The following HS6ST3 variants were observed in gnomAD, a reference collection of about 807,000 sequenced individuals.
HS6ST3 encodes the protein heparan sulfate 6-O-sulfotransferase 3, also known as heparan-sulfate 6-O-sulfotransferase 3.
In HS6ST3, 12 loss-of-function variants were observed where a neutral mutation model predicts 36.7. That is an observed-to-expected ratio of 0.33 (90% CI 0.21 to 0.53). HS6ST3 has a LOEUF of 0.53. Among genes scored for constraint, HS6ST3 ranks in the 20% least tolerant of loss-of-function variants. The pLI, the probability that HS6ST3 is intolerant of heterozygous loss-of-function variation, is 0.95. For synonymous variants in HS6ST3, 240 were observed against 257.5 expected (o/e 0.93, Z 0.65); for missense variants, 584 against 640.9 (o/e 0.91, Z 0.96).
At chr13:96,366,996 C>T (rs895101510) in intron 1 of HS6ST3, among the ~76,000 whole-genome samples, 1 of 152,142 alleles carries the variant, frequency 6.6e-6, no homozygotes, top group Non-Finnish European at 1.5e-5. Flanking sequence ...TGAGGCCTCA[C>T]CAGCCATGTG....
chr13:96,536,550 C>T (rs1439674811), intron 1 of HS6ST3, among the ~76,000 whole-genome samples: 3 of 152,124 alleles, frequency 2.0e-5, no homozygotes, highest in African/African-American at 4.8e-5. Flanking sequence ...TGGGAGCGTT[C>T]GTTTCTTTGT....
chr13:96,502,191 G>A (rs746658709), intron 1 of HS6ST3, among the ~76,000 whole-genome samples: 1 of 152,136 alleles, frequency 6.6e-6, no homozygotes, highest in Non-Finnish European at 1.5e-5. Context: ...GATTTATCTT[G>A]GGTGATATCT....
intron 1 of HS6ST3, among the ~76,000 whole-genome samples, chr13:96,109,735 A>T (rs2053858969): frequency 6.6e-6 from 1 of 152,158 alleles, no homozygotes; most frequent in African/African-American, 2.4e-5. Flanking sequence ...TAGCTGGGAT[A>T]GGAGGGTGCA....
intron 1 of HS6ST3, among the ~76,000 whole-genome samples, chr13:96,656,953 TTTTG>T (rs1437792313): frequency 1.4e-5 from 2 of 139,632 alleles, no homozygotes; most frequent in Non-Finnish European, 3.1e-5. Flanking sequence ...CTGGCTTTTC[TTTTG>T]TGTGTGTGTG....
intron 1 of HS6ST3, among the ~76,000 whole-genome samples, chr13:96,139,449 TA>T: frequency 7.3e-6 from 1 of 137,454 alleles, no homozygotes; most frequent in East Asian, 2.3e-4. Context: ...TGTAAGCGGG[TA>T]AAAAATGGCA....
chr13:96,630,958 T>G (rs902557720), intron 1 of HS6ST3, among the ~76,000 whole-genome samples: 22 of 152,108 alleles, frequency 1.4e-4, no homozygotes, highest in African/African-American at 5.1e-4. Flanking sequence ...TTATTTTGAG[T>G]CTTATATTTT....
At chr13:96,565,052 A>C (rs918861387) in intron 1 of HS6ST3, among the ~76,000 whole-genome samples, 3 of 151,998 alleles carry the variant, frequency 2.0e-5, no homozygotes, top group Non-Finnish European at 4.4e-5. Flanking sequence ...GAAGATCTCA[A>C]ACATGGAGAG....
intron 1 of HS6ST3, among the ~76,000 whole-genome samples, chr13:96,542,142 A>G (rs2056181042): frequency 3.9e-5 from 6 of 152,346 alleles, no homozygotes; most frequent in African/African-American, 9.6e-5. Flanking sequence ...TAACAATTAC[A>G]TAAGAAAGAG....
intron 1 of HS6ST3, among the ~76,000 whole-genome samples, chr13:96,517,381 A>G (rs1049333900): frequency 6.6e-6 from 1 of 152,156 alleles, no homozygotes; most frequent in Non-Finnish European, 1.5e-5. Flanking sequence ...CCCTGTCTCA[A>G]ACAACAGTAA....
At chr13:96,331,706 C>A (rs2055069099) in intron 1 of HS6ST3, among the ~76,000 whole-genome samples, 1 of 152,214 alleles carries the variant, frequency 6.6e-6, no homozygotes, top group Non-Finnish European at 1.5e-5. Context: ...TGGTGGGCTC[C>A]ACCCAGTTGG....
chr13:96,466,006 G>A (rs1202602421), intron 1 of HS6ST3, among the ~76,000 whole-genome samples: 1 of 151,786 alleles, frequency 6.6e-6, no homozygotes, highest in African/African-American at 2.4e-5. Context: ...TATCTTGTCC[G>A]GCACGGTGGC....
chr13:96,700,459 T>G (rs1311748760), intron 1 of HS6ST3, among the ~76,000 whole-genome samples: 1 of 152,166 alleles, frequency 6.6e-6, no homozygotes, highest in African/African-American at 2.4e-5. Context: ...CCAAACCATA[T>G]CATCTCCCTT....
intron 1 of HS6ST3, among the ~76,000 whole-genome samples, chr13:96,667,117 T>C (rs1358212893): frequency 2.0e-5 from 3 of 152,184 alleles, no homozygotes; most frequent in Non-Finnish European, 4.4e-5. Context: ...ATACATGGAG[T>C]AATTTATATT....
In HS6ST3 at chr13:96,090,489, C is replaced by A. The variant is rs1375726275; in HGVS notation, c.-374C>A. On this transcript the variant is annotated 5_prime_UTR_variant, in exon 1 of 2. Coordinates refer to ENST00000376705, the MANE Select transcript of HS6ST3 (RefSeq NM_153456.4). ...CCGGCTGCGCGCGGCAGGTCCAGGA[C>A]CCGAACCCCGCTCCCCAGCGCCTGA... Among the ~76,000 whole-genome samples, 2 of 146,476 alleles carry A rather than the reference C, an allele frequency of 1.4e-5. No individual in the cohort carries two copies. The highest frequency in any genetic ancestry group is 3.9e-4 in the East Asian group (2 of 5,078).
chr13:96,605,245 T>C (rs761713780), intron 1 of HS6ST3, among the ~76,000 whole-genome samples: 17 of 152,094 alleles, frequency 1.1e-4, no homozygotes, highest in Admixed American at 6.6e-4. Context: ...GAAAGAATGG[T>C]GAATAATAAG....
intron 1 of HS6ST3, among the ~76,000 whole-genome samples, chr13:96,684,824 C>T (rs1328284085): frequency 1.3e-5 from 2 of 151,954 alleles, no homozygotes; most frequent in Non-Finnish European, 2.9e-5. Flanking sequence ...AGAAGACCCG[C>T]CCAAGCAAGA....
At chr13:96,602,515 C>A (rs1411600509) in intron 1 of HS6ST3, among the ~76,000 whole-genome samples, 1 of 152,188 alleles carries the variant, frequency 6.6e-6, no homozygotes, top group Non-Finnish European at 1.5e-5. Flanking sequence ...AGGTCAGAAG[C>A]CTGGGCACTG....
intron 1 of HS6ST3, among the ~76,000 whole-genome samples, chr13:96,341,516 C>G (rs1322406597): frequency 1.3e-5 from 2 of 152,072 alleles, no homozygotes; most frequent in Non-Finnish European, 2.9e-5. Flanking sequence ...CTAACAAATT[C>G]CCTATGTGAT....
At chr13:96,265,205 C>G (rs1030901384) in intron 1 of HS6ST3, among the ~76,000 whole-genome samples, 1 of 151,996 alleles carries the variant, frequency 6.6e-6, no homozygotes, top group South Asian at 2.1e-4. Flanking sequence ...CAGACAGGGT[C>G]TTGCCCTCTC....
Sources: gnomAD v4.1 joint callset for allele counts (sites outside exome capture counted in the v4.1 genomes callset) on GRCh38, gnomAD v4.1.1 for gene constraint, MANE v1.5 for transcripts, NCBI Gene and HGNC (gene_info 2026-07-23, HGNC 2026-07-21) for gene names.